Variants in ALDH1L1 observed in about 807,000 individuals in gnomAD.
ALDH1L1 encodes the protein cytosolic 10-formyltetrahydrofolate dehydrogenase.
ALDH1L1 carries 68 observed loss-of-function variants against 101.1 expected under a neutral mutation model. That is an observed-to-expected ratio of 0.67 (90% CI 0.55 to 0.82). The LOEUF is 0.82. Ranked by LOEUF, ALDH1L1 falls within the 40% of genes least tolerant of loss-of-function variation. The pLI, the probability that ALDH1L1 is intolerant of heterozygous loss-of-function variation, is 0.00. For synonymous variants in ALDH1L1, 486 were observed against 470.8 expected (o/e 1.03, Z -0.42); for missense variants, 1,087 against 1,172.7 (o/e 0.93, Z 1.07).
In ALDH1L1 at chr3:126,117,997, C is replaced by T; in HGVS notation, c.1982+8G>A. On this transcript the variant is annotated splice_region_variant and intron_variant, in intron 17 of 22. Transcript: ENST00000393434. ...AGCCCCTCCTCTGCTCCACCCCCAG[C>T]CACGCACCTTTTCATGATGTGCTTG... The T allele has an allele frequency of 6.2e-7, 1 of 1,611,724 alleles. No individual in the cohort carries two copies. The highest frequency in any genetic ancestry group is 8.5e-7 in the Non-Finnish European group (1 of 1,178,988).
intron 8 of ALDH1L1, among the ~76,000 whole-genome samples, chr3:126,148,734 C>T (rs551948666): frequency 2.0e-4 from 30 of 152,276 alleles, no homozygotes; most frequent in Middle Eastern, 3.4e-3. Flanking sequence ...TGAATAAACA[C>T]GCCGCTCTTC....
Position 126,165,947 on chromosome 3 carries a change from C to A in ALDH1L1, c.-23-4945G>T, listed in dbSNP as rs566669941. Reference sequence around the variant, plus strand: ...TCATTCAGTTCTCTAATTTTTACTTCTTTTCTTTGACTGGCTTTGGGGTTG... The same window carrying A: ...TCATTCAGTTCTCTAATTTTTACTTATTTTCTTTGACTGGCTTTGGGGTTG... On this transcript the variant is annotated intron_variant, in intron 1 of 22. Transcript: ENST00000393434. Among the ~76,000 whole-genome samples, 3 of 151,798 alleles carry A rather than the reference C, an allele frequency of 2.0e-5. No individual in the cohort carries two copies. In the South Asian group the frequency reaches 6.3e-4, roughly 32 times the overall value.
At chr3:126,109,907 C>T in intron 20 of ALDH1L1, 37 bp downstream of exon 20, 1 of 1,608,326 alleles carries the variant, frequency 6.2e-7, no homozygotes, top group Non-Finnish European at 8.5e-7. Context: ...CCTGCTGCCT[C>T]AATTGACCCA....
chr3:126,125,769 C>G, intron 14 of ALDH1L1, 48 bp from the exon 15 acceptor site: 7 of 1,349,366 alleles, frequency 5.2e-6, no homozygotes, highest in Non-Finnish European at 6.9e-6. Context: ...CCACCAGGCC[C>G]ACAGTGGACC....
In ALDH1L1 at chr3:126,107,256, A is replaced by T. The variant is rs755379657; in HGVS notation, c.2348-10T>A. ...GGCTCAAAGAAGAACCCTGCAAGAG[A>T]GATAAAAGCCCGTTGCACATGGGAG... is the stretch of plus-strand genomic sequence containing the variant. On this transcript the variant is annotated splice_polypyrimidine_tract_variant and intron_variant, in intron 20 of 22. Coordinates refer to ENST00000393434, the MANE Select transcript of ALDH1L1 (RefSeq NM_012190.4). 1 of 1,610,552 alleles carries T rather than the reference A, an allele frequency of 6.2e-7. No homozygotes were observed. The highest frequency in any genetic ancestry group is 1.1e-5 in the South Asian group (1 of 91,014).
At chr3:126,146,466 G>T (rs1398939192) in intron 9 of ALDH1L1, among the ~76,000 whole-genome samples, 1 of 152,170 alleles carries the variant, frequency 6.6e-6, no homozygotes, top group Non-Finnish European at 1.5e-5. Flanking sequence ...ATATGGTGTT[G>T]GTTTAAATCT....
At chr3:126,103,906 T>G in intron 22 of ALDH1L1, 60 bp from the exon 23 acceptor site, 1 of 1,578,692 alleles carries the variant, frequency 6.3e-7, no homozygotes, top group South Asian at 1.1e-5. Flanking sequence ...TGCTCGGGGC[T>G]GCAAGTGTCT....
rs554328392 is a variant in ALDH1L1 at position 126,107,249 on chromosome 3, G to C, written c.2348-3C>G. The C allele has an allele frequency of 1.9e-6, 3 of 1,612,596 alleles. No homozygotes were observed. The Admixed American group carries it at 5.0e-5, about 27-fold the overall frequency. ...AACAGTTGGCTCAAAGAAGAACCCTGCAAGAGAGATAAAAGCCCGTTGCAC... is the reference window on the plus strand; with the variant it reads ...AACAGTTGGCTCAAAGAAGAACCCTCCAAGAGAGATAAAAGCCCGTTGCAC... On this transcript the variant is annotated splice_polypyrimidine_tract_variant and splice_region_variant and intron_variant, in intron 20 of 22. Transcript: ENST00000393434.
chr3:126,152,479 A>G (rs1423739326), intron 7 of ALDH1L1: 2 of 152,350 alleles, frequency 1.3e-5, no homozygotes, highest in African/African-American at 4.8e-5. Context: ...GCAGACATCA[A>G]CAGCAGCCTA....
intron 9 of ALDH1L1, among the ~76,000 whole-genome samples, chr3:126,144,637 T>C (rs896091397): frequency 2.6e-5 from 4 of 152,198 alleles, no homozygotes; most frequent in South Asian, 2.1e-4. Context: ...GTTGGAAAGA[T>C]TGGATGTCCA....
chr3:126,190,961 C>G (rs2081550031), intron 1 of ALDH1L1, among the ~76,000 whole-genome samples: 1 of 152,172 alleles, frequency 6.6e-6, no homozygotes, highest in Non-Finnish European at 1.5e-5. Context: ...GGAAGAGTTT[C>G]CTTTCCTATT....
intron 1 of ALDH1L1, among the ~76,000 whole-genome samples, chr3:126,178,939 G>GAAAA (rs72451047): frequency 2.3e-4 from 34 of 147,408 alleles, no homozygotes; most frequent in African/African-American, 8.1e-4. Context: ...GATTACTTCT[G>GAAAA]AAAAAAAAAA....
At chr3:126,179,961 T>C (rs1372710528) in intron 1 of ALDH1L1, 3 of 152,136 alleles carry the variant, frequency 2.0e-5, no homozygotes, top group African/African-American at 7.2e-5. Flanking sequence ...AGCGCTCACG[T>C]CGACCCCTCC....
intron 2 of ALDH1L1, among the ~76,000 whole-genome samples, chr3:126,158,972 T>G (rs954865089): frequency 2.6e-5 from 4 of 152,158 alleles, no homozygotes; most frequent in African/African-American, 9.7e-5. Context: ...CCCCCTCTAC[T>G]GCTCACTCTG....
chr3:126,105,974 G>GCCTGGCCCACTCCACAC, intron 21 of ALDH1L1, 49 bp from the exon 22 acceptor site: 1 of 1,579,496 alleles, frequency 6.3e-7, no homozygotes, highest in Non-Finnish European at 8.6e-7. Flanking sequence ...GCAGAGGAGA[G>GCCTGGCCCACTCCACAC]CCTGGCCCAC....
chr3:126,181,813 TG>T (rs1451064510), upstream of ALDH1L1, among the ~76,000 whole-genome samples: 5 of 152,378 alleles, frequency 3.3e-5, no homozygotes, highest in Middle Eastern at 6.8e-3. Flanking sequence ...GCATGTATTT[TG>T]CTCACATAAG....
At chr3:126,134,553 T>C (rs925484989) in intron 12 of ALDH1L1, among the ~76,000 whole-genome samples, 60 of 152,234 alleles carry the variant, frequency 3.9e-4, no homozygotes, top group African/African-American at 1.4e-3. Flanking sequence ...AGGCTGGGCA[T>C]GCCCGACCCC....
At chr3:126,181,081 C>T (rs991382511), upstream of ALDH1L1, 2 of 1,340,918 alleles carry the variant, frequency 1.5e-6, no homozygotes, top group African/African-American at 2.9e-5. Context: ...GCGCTTCTGC[C>T]CGCCCAGTGC....
intron 20 of ALDH1L1, among the ~76,000 whole-genome samples, chr3:126,108,352 A>AC (rs1427589405): frequency 6.6e-6 from 1 of 151,850 alleles, no homozygotes; most frequent in Non-Finnish European, 1.5e-5. Flanking sequence ...TCCTTCTCAT[A>AC]CCCCCTCCAG....
Sources: allele counts gnomAD v4.1 joint callset (sites outside exome capture counted in the v4.1 genomes callset), GRCh38; gene constraint gnomAD v4.1.1; transcripts MANE v1.5; gene names NCBI Gene and HGNC (gene_info 2026-07-23, HGNC 2026-07-21).